The following DNM3 variants were observed in gnomAD, a reference collection of about 807,000 sequenced individuals.
DNM3 encodes dynamin 3.
In DNM3, 47 loss-of-function variants were observed where a neutral mutation model predicts 101.6. The observed-to-expected ratio is 0.46, with a 90% confidence interval of 0.37 to 0.59. DNM3 has a LOEUF of 0.59. Ranked by LOEUF, DNM3 falls within the 20% of genes least tolerant of loss-of-function variation. The pLI, the probability that DNM3 is intolerant of heterozygous loss-of-function variation, is 0.00. For synonymous variants in DNM3, 385 were observed against 387.9 expected (o/e 0.99, Z 0.09); for missense variants, 849 against 1,085.7 (o/e 0.78, Z 3.06).
intron 4 of DNM3, among the ~76,000 whole-genome samples, chr1:172,009,124 T>C (rs1329147445): frequency 7.5e-6 from 1 of 134,070 alleles, no homozygotes; most frequent in Non-Finnish European, 1.5e-5. Flanking sequence ...TATCATATAA[T>C]ATATATATTT....
chr1:172,184,675 C>T (rs190446836), intron 14 of DNM3, among the ~76,000 whole-genome samples: 1 of 152,150 alleles, frequency 6.6e-6, no homozygotes, highest in Admixed American at 6.6e-5. Context: ...TGTGTAAGCC[C>T]AGGAATGGGA....
intron 1 of DNM3, among the ~76,000 whole-genome samples, chr1:171,898,561 A>C (rs888347551): frequency 6.6e-6 from 1 of 152,172 alleles, no homozygotes; most frequent in African/African-American, 2.4e-5. Flanking sequence ...AAAACAGATA[A>C]AACTAAAAGA....
chr1:172,376,492 T>A (rs950172965), intron 17 of DNM3: 3 of 151,902 alleles, frequency 2.0e-5, no homozygotes, highest in African/African-American at 7.3e-5. Context: ...AAGAGCACAA[T>A]GGAGAATTTG....
intron 1 of DNM3, among the ~76,000 whole-genome samples, chr1:171,879,184 C>T (rs1308670911): frequency 6.6e-6 from 1 of 152,146 alleles, no homozygotes; most frequent in Non-Finnish European, 1.5e-5. Flanking sequence ...ATGAAAGGTG[C>T]TGTTTTAGTT....
intron 4 of DNM3, among the ~76,000 whole-genome samples, chr1:172,022,605 G>T (rs2047924439): frequency 6.6e-6 from 1 of 151,874 alleles, no homozygotes; most frequent in Non-Finnish European, 1.5e-5. Flanking sequence ...CAGTGCAAAA[G>T]GCTTTTAATA....
At chr1:172,045,460 T>C (rs1470744943) in intron 9 of DNM3, among the ~76,000 whole-genome samples, 1 of 152,120 alleles carries the variant, frequency 6.6e-6, no homozygotes, top group Non-Finnish European at 1.5e-5. Context: ...TGGCCTCTTC[T>C]TATAAGGGCA....
intron 14 of DNM3, among the ~76,000 whole-genome samples, chr1:172,178,305 G>A (rs963597384): frequency 6.6e-6 from 1 of 151,764 alleles, no homozygotes; most frequent in Non-Finnish European, 1.5e-5. Flanking sequence ...CCAACACACT[G>A]GTGTTAAAAA....
chr1:172,002,716 T>A (rs2046426517), intron 4 of DNM3, among the ~76,000 whole-genome samples: 1 of 152,066 alleles, frequency 6.6e-6, no homozygotes. Flanking sequence ...GGGAAAATGA[T>A]ATGATTATAA....
chr1:171,918,550 T>C (rs1343009734), intron 1 of DNM3, among the ~76,000 whole-genome samples: 1 of 152,212 alleles, frequency 6.6e-6, no homozygotes, highest in East Asian at 1.9e-4. Context: ...AGCACTTTGT[T>C]GTACTTCAGA....
chr1:171,896,888 T>C (rs1403377268), intron 1 of DNM3, among the ~76,000 whole-genome samples: 2 of 152,162 alleles, frequency 1.3e-5, no homozygotes, highest in African/African-American at 4.8e-5. Flanking sequence ...TAAAAACTTT[T>C]AGGCAGTGTG....
chr1:172,143,450 C>T (rs2057700282), intron 14 of DNM3, among the ~76,000 whole-genome samples: 1 of 152,100 alleles, frequency 6.6e-6, no homozygotes, highest in Admixed American at 6.6e-5. Context: ...GCAATCCAGA[C>T]TTGCTCTATT....
Position 172,131,237 on chromosome 1 carries a change from A to G in DNM3, c.1608A>G (p.Gly536=), listed in dbSNP as rs1232360318. Residue 536 remains glycine (G), a synonymous_variant, in exon 14 of 21, where the codon GGA becomes GGG. Transcript: ENST00000627582. ...GCATCATGAAAGGCGGCTCGAAGGG[A>G]TACTGGTTCGTCCTTACTGCGGAAA... ...NIGIMKGGSK[G]YWFVLTAESL... 4 of 1,613,284 alleles carry G rather than the reference A, an allele frequency of 2.5e-6. No individual in the cohort carries two copies. Among genetic ancestry groups the G allele is most frequent in the Non-Finnish European group, 3.4e-6 (4 of 1,179,580 alleles).
intron 4 of DNM3, among the ~76,000 whole-genome samples, chr1:172,031,194 A>C (rs1335742234): frequency 1.3e-5 from 2 of 152,264 alleles, no homozygotes; most frequent in Admixed American, 1.3e-4. Flanking sequence ...AATATGGTAC[A>C]TACACACCAT....
intron 17 of DNM3, among the ~76,000 whole-genome samples, chr1:172,359,661 A>G (rs1307712631): frequency 6.6e-6 from 1 of 151,642 alleles, no homozygotes; most frequent in East Asian, 1.9e-4. Context: ...CTCTTGGCAG[A>G]AGGTCAAAAC....
At chr1:172,346,722 G>A (rs919396895) in intron 17 of DNM3, among the ~76,000 whole-genome samples, 7 of 152,114 alleles carry the variant, frequency 4.6e-5, no homozygotes, top group Admixed American at 1.3e-4. Flanking sequence ...TGAATTAAAA[G>A]GAAAGAATCC....
chr1:172,034,122 T>C (rs964931579), intron 6 of DNM3, among the ~76,000 whole-genome samples: 4 of 152,130 alleles, frequency 2.6e-5, no homozygotes, highest in African/African-American at 9.6e-5. Context: ...TATGTGACAT[T>C]ATACCTGAAC....
downstream of DNM3, chr1:172,412,737 T>A: frequency 1.0e-6 from 1 of 985,690 alleles, no homozygotes; most frequent in Non-Finnish European, 1.2e-6. Context: ...CTCATTCTTG[T>A]ATATATTTGA....
At chr1:172,292,256 A>G (rs1038534833) in intron 15 of DNM3, among the ~76,000 whole-genome samples, 3 of 152,222 alleles carry the variant, frequency 2.0e-5, no homozygotes, top group Admixed American at 6.5e-5. Flanking sequence ...TTTTATAGGT[A>G]GGTTAACAGA....
intron 15 of DNM3, among the ~76,000 whole-genome samples, chr1:172,258,881 A>C (rs1020490230): frequency 6.6e-6 from 1 of 151,634 alleles, no homozygotes; most frequent in Non-Finnish European, 1.5e-5. Flanking sequence ...GATGTAGGCA[A>C]TTATTGCTAT....
Sources: gnomAD v4.1 joint callset for allele counts (sites outside exome capture counted in the v4.1 genomes callset) on GRCh38, gnomAD v4.1.1 for gene constraint, MANE v1.5 for transcripts, NCBI Gene and HGNC (gene_info 2026-07-23, HGNC 2026-07-21) for gene names.